Variants in WDR11 observed in about 807,000 individuals in gnomAD.
WDR11 encodes WD repeat-containing protein 11.
A neutral mutation model predicts 151.2 loss-of-function variants in WDR11; 83 were observed. The observed-to-expected ratio is 0.55, with a 90% CI of 0.46 to 0.66. The LOEUF (loss-of-function observed/expected upper bound fraction) is 0.66. WDR11 is among the 30% of genes least tolerant of loss of function. The probability of loss-of-function intolerance (pLI) is 0.00; values close to 1 mark genes in which losing one functional copy is unlikely to be tolerated. For missense variants in WDR11, 1,301 were observed against 1,480.9 expected (o/e 0.88, Z 1.99); for synonymous variants, 484 against 533.1 (o/e 0.91, Z 1.27).
intron 13 of WDR11, among the ~76,000 whole-genome samples, chr10:120,882,459 TACTA>T (rs1261220908): frequency 6.6e-6 from 1 of 152,010 alleles, no homozygotes; most frequent in East Asian, 1.9e-4. Flanking sequence ...ATATTATTCT[TACTA>T]AATGGGAAAA....
chr10:120,851,667 T>TA (rs1378772047), intron 1 of WDR11, 161 bp downstream of exon 1: 45 of 818,422 alleles, frequency 5.5e-5, no homozygotes, highest in Non-Finnish European at 8.4e-5. Context: ...TTTTTGTTGT[T>TA]ACAAAAGTGA....
At chr10:120,871,120 G>T in intron 9 of WDR11, 50 bp from the exon 10 acceptor site, 1 of 1,589,042 alleles carries the variant, frequency 6.3e-7, no homozygotes, top group South Asian at 1.1e-5. Flanking sequence ...AGCTTTTTAA[G>T]ATCAGCATAC....
chr10:120,886,843 A>G lies in WDR11; in HGVS notation c.2121+7A>G. 6.2e-7 allele frequency: 1 copy of G among 1,613,970 alleles called. No individual in the cohort carries two copies. Among genetic ancestry groups the G allele is most frequent in the Non-Finnish European group, 8.5e-7 (1 of 1,179,918 alleles). Reference sequence around the variant, plus strand: ...TGCTCGGATTCCACCAGATGTGAGTACAACCTTGATTAAATCTTCATCAAG... The same window carrying G: ...TGCTCGGATTCCACCAGATGTGAGTGCAACCTTGATTAAATCTTCATCAAG... On this transcript the variant is annotated splice_region_variant and intron_variant, in intron 16 of 28. Coordinates refer to ENST00000263461, the MANE Select transcript of WDR11 (RefSeq NM_018117.12).
intron 5 of WDR11, 123 bp from the exon 6 acceptor site, chr10:120,864,924 C>T: frequency 8.7e-7 from 1 of 1,143,032 alleles, no homozygotes; most frequent in Non-Finnish European, 1.3e-6. Context: ...CCATGTTGGT[C>T]ACTTCAGGGA....
Position 120,890,839 on chromosome 10 carries a change from A to T in WDR11, c.2467A>T (p.Met823Leu), listed in dbSNP as rs765683296. Reference sequence around the variant, plus strand: ...TGATGGGTGCATCAGAGTCCTAGAGATGTCTATGAAGTCTGCGTGCTTTAG... The same window carrying T: ...TGATGGGTGCATCAGAGTCCTAGAGTTGTCTATGAAGTCTGCGTGCTTTAG... ...SDDGCIRVLEMSMKSACFRMD... is the reference protein window; with the variant it reads ...SDDGCIRVLELSMKSACFRMD... Residue 823 changes from methionine (M) to leucine (L), a missense_variant, in exon 19 of 29, where the codon ATG becomes TTG. Around this residue, in one of 3 missense-constraint regions of WDR11, gnomAD observed 589 missense variants for 670.6 expected, o/e 0.88. Transcript: ENST00000263461. 1.3e-5 allele frequency: 21 copies of T among 1,614,154 alleles called. No homozygotes were observed. Among genetic ancestry groups the T allele is most frequent in the Non-Finnish European group, 1.8e-5 (21 of 1,180,034 alleles).
Position 120,865,757 on chromosome 10 carries a change from C to A in WDR11, c.994+13C>A. 6.6e-7 allele frequency: 1 copy of A among 1,523,364 alleles called. No homozygotes were observed. Among genetic ancestry groups the A allele is most frequent in the South Asian group, 1.1e-5 (1 of 88,536 alleles). 94.4% of individuals were successfully genotyped at this position (1,523,364 alleles called of 1,614,324 possible). ...AATGAGGAACCAGGTGAGTTTCTGT[C>A]TCACAATAATGTTATATTTTTCTTC... On this transcript the variant is annotated intron_variant, in intron 7 of 28. Transcript: ENST00000263461.
intron 19 of WDR11, among the ~76,000 whole-genome samples, chr10:120,892,658 C>T (rs576084565): frequency 9.9e-4 from 150 of 152,258 alleles, no homozygotes; most frequent in Admixed American, 1.7e-3. Flanking sequence ...CTTCAATTCT[C>T]CTTGAAAACA....
intron 3 of WDR11, among the ~76,000 whole-genome samples, chr10:120,859,370 C>T (rs1350769325): frequency 6.6e-6 from 1 of 151,416 alleles, no homozygotes; most frequent in African/African-American, 2.4e-5. Flanking sequence ...TGGGTTCACG[C>T]CATTCTCCTG....
At chr10:120,857,625 A>G (rs1845994711) in intron 2 of WDR11, among the ~76,000 whole-genome samples, 1 of 152,220 alleles carries the variant, frequency 6.6e-6, no homozygotes, top group Non-Finnish European at 1.5e-5. Flanking sequence ...GCTCATTTTC[A>G]GAAAACGTTG....
chr10:120,908,673 A>G lies in WDR11; in HGVS notation c.3635A>G (p.Asn1212Ser), dbSNP rs1273246549. The G allele has an allele frequency of 6.2e-7, 1 of 1,614,240 alleles. No homozygotes were observed. The highest frequency in any genetic ancestry group is 1.3e-5 in the African/African-American group (1 of 75,072). The change falls in exon 29 of 29, where the codon AAT (asparagine) becomes AGT (serine). Residue 1212 changes from asparagine (N) to serine (S), a missense_variant. Coordinates refer to ENST00000263461, the MANE Select transcript of WDR11 (RefSeq NM_018117.12). ...KAGAAGKDLL[N>S]ELESPKEEPI... ...GGAGCAGCTGGCAAAGACTTATTGAATGAGCTTGAGTCCCCCAAGGAAGAA... is the reference window on the plus strand; with the variant it reads ...GGAGCAGCTGGCAAAGACTTATTGAGTGAGCTTGAGTCCCCCAAGGAAGAA...
intron 19 of WDR11, among the ~76,000 whole-genome samples, chr10:120,894,989 T>C (rs886277521): frequency 2.0e-5 from 3 of 152,228 alleles, no homozygotes; most frequent in African/African-American, 7.2e-5. Flanking sequence ...AACAATATTT[T>C]GCTTTTGGAG....
intron 19 of WDR11, among the ~76,000 whole-genome samples, chr10:120,892,933 C>T (rs1360724921): frequency 6.6e-6 from 1 of 151,580 alleles, no homozygotes; most frequent in Non-Finnish European, 1.5e-5. Flanking sequence ...TGGTATCATG[C>T]AGTTTCCACA....
Position 120,903,185 on chromosome 10 carries a change from C to T in WDR11, c.2884C>T (p.Pro962Ser). The T allele has an allele frequency of 6.2e-7, 1 of 1,614,140 alleles. No homozygotes were observed. Among genetic ancestry groups the T allele is most frequent in the Non-Finnish European group, 8.5e-7 (1 of 1,180,016 alleles). Reference protein sequence around the residue: ...EAAPRDKLSNPLDICYDVLCE... With the variant: ...EAAPRDKLSNSLDICYDVLCE... Reference sequence around the variant, plus strand: ...TGCTCCTCGAGACAAACTGAGCAACCCACTGGATATATGCTATGACGTGCT... The same window carrying T: ...TGCTCCTCGAGACAAACTGAGCAACTCACTGGATATATGCTATGACGTGCT... The change falls in exon 23 of 29, where the codon CCA becomes TCA. Residue 962 changes from proline to serine, a missense_variant. Physicochemically the swap from Pro to Ser is moderately conservative, Grantham distance 74. Coordinates refer to ENST00000263461, the MANE Select transcript of WDR11 (RefSeq NM_018117.12).
intron 11 of WDR11, among the ~76,000 whole-genome samples, chr10:120,875,780 C>T (rs1358853058): frequency 6.6e-6 from 1 of 151,768 alleles, no homozygotes; most frequent in African/African-American, 2.4e-5. Flanking sequence ...GCTGGGATTA[C>T]AGGCATGAGC....
chr10:120,856,392 A>G (rs774593129), intron 2 of WDR11, among the ~76,000 whole-genome samples: 10 of 151,838 alleles, frequency 6.6e-5, no homozygotes, highest in Admixed American at 2.0e-4. Flanking sequence ...CTGGCCAACA[A>G]GGCAAAACCT....
At position 120,899,802 on chromosome 10, in the gene WDR11, AAATC is replaced by A; in HGVS notation, c.2516-224_2516-221del. On this transcript the variant is annotated intron_variant, in intron 19 of 28. Coordinates refer to ENST00000263461, the MANE Select transcript of WDR11 (RefSeq NM_018117.12). ...TGTCTCAAAAAAAAAATAAAATAAA[AAATC>A]AAAAAAGGGGGAAAAGAAAAATATG... The A allele has an allele frequency of 5.3e-6, 3 of 570,042 alleles. No individual in the cohort carries two copies. In the South Asian group the frequency reaches 6.7e-5, roughly 13 times the overall value. The allele number at this position is 570,042 out of a possible 1,614,324, so 35.3% of individuals were successfully genotyped here.
chr10:120,873,394 A>G (rs1590075760), intron 10 of WDR11, among the ~76,000 whole-genome samples: 2 of 152,340 alleles, frequency 1.3e-5, no homozygotes, highest in African/African-American at 2.4e-5. Flanking sequence ...GATTTATTTA[A>G]TAAAAGAGAC....
At chr10:120,906,505 A>G in intron 27 of WDR11, 1 of 1,329,608 alleles carries the variant, frequency 7.5e-7, no homozygotes, top group Non-Finnish European at 9.7e-7. Flanking sequence ...GGACAGGGGT[A>G]CATGGGCACT....
chr10:120,885,733 T>C (rs1847193848), intron 14 of WDR11, 81 bp from the exon 15 acceptor site: 11 of 1,526,652 alleles, frequency 7.2e-6, no homozygotes, highest in African/African-American at 2.7e-5. Flanking sequence ...TGGGCAGTGG[T>C]GTGTGTGCCC....
Sources: allele counts gnomAD v4.1 joint callset (sites outside exome capture counted in the v4.1 genomes callset), GRCh38; gene constraint gnomAD v4.1.1; regional missense constraint gnomAD v4.1.1; transcripts MANE v1.5; gene names NCBI Gene and HGNC (gene_info 2026-07-23, HGNC 2026-07-21).